Variants in UBE2F observed in about 807,000 individuals in gnomAD.
UBE2F encodes ubiquitin conjugating enzyme E2 F (putative).
UBE2F carries 5 observed loss-of-function variants against 29.6 expected under a neutral mutation model. That is an observed-to-expected ratio of 0.17 (90% CI 0.09 to 0.36). The LOEUF (loss-of-function observed/expected upper bound fraction) is 0.36. UBE2F is among the 10% of genes least tolerant of loss of function. The pLI is 1.00. For missense variants in UBE2F, 141 were observed against 228.5 expected, an observed-to-expected ratio of 0.62 and a Z score of 2.47; for synonymous variants, 66 against 81.8, an observed-to-expected ratio of 0.81 and a Z score of 1.04.
At chr2:238,008,118 C>T (rs1410399529) in intron 4 of UBE2F, among the ~76,000 whole-genome samples, 1 of 151,898 alleles carries the variant, frequency 6.6e-6, no homozygotes, top group East Asian at 1.9e-4. Flanking sequence ...CTGTAGTGGG[C>T]AGATGCACTA....
chr2:237,968,353 T>A (rs2063104138), intron 1 of UBE2F, among the ~76,000 whole-genome samples: 3 of 152,144 alleles, frequency 2.0e-5, no homozygotes, highest in Non-Finnish European at 4.4e-5. Flanking sequence ...GCTCCAAAGA[T>A]GGTCGGTCAA....
intron 2 of UBE2F, among the ~76,000 whole-genome samples, chr2:237,976,177 G>C (rs2063279316): frequency 6.6e-6 from 1 of 152,232 alleles, no homozygotes; most frequent in Non-Finnish European, 1.5e-5. Context: ...GATAGGACTT[G>C]AGTGTCTTCT....
rs2063072993 is a variant in UBE2F, at chr2:237,967,203, C to T, written c.-17+71C>T. ...CCGGTGCACGGGCTGGCCTGCGGGC[C>T]GGGCGGAGGGCGCGGGCGGTGGCGG... On this transcript the variant is annotated intron_variant, in intron 1 of 9. Transcript: ENST00000272930. The surrounding 1 kb of genome is among the most constrained non-coding windows in gnomAD (Gnocchi z 6.3). 4.9e-6 allele frequency: 5 copies of T among 1,017,938 alleles called. No individual in the cohort carries two copies. Among genetic ancestry groups the T allele is most frequent in the Middle Eastern group, 4.5e-4 (1 of 2,208 alleles). 63.1% of individuals were successfully genotyped at this position (1,017,938 alleles called of 1,614,324 possible). A position where few individuals can be genotyped will look rare whatever the true frequency, so the allele number is the denominator to read the frequency against.
rs1393950152 is a variant in UBE2F, at chr2:237,993,717, A to C, written c.149-1027A>C. Among the ~76,000 whole-genome samples the C allele has an allele frequency of 4.6e-5, 7 of 152,224 alleles. No homozygotes were observed. In the East Asian group the frequency reaches 1.3e-3, roughly 29 times the overall value. ...AACAGAGTGAGACCCTGTCTAAAAA[A>C]AAGTTTAGCATAGTATTTTCTGATT... On this transcript the variant is annotated intron_variant, in intron 3 of 9. Coordinates refer to ENST00000272930, the MANE Select transcript of UBE2F (RefSeq NM_080678.3).
Position 237,967,514 on chromosome 2 carries a change from C to T in UBE2F, c.-17+382C>T, listed in dbSNP as rs896673003. Among the ~76,000 whole-genome samples the T allele has an allele frequency of 6.6e-6, 1 of 152,134 alleles. No homozygotes were observed. The highest frequency in any genetic ancestry group is 2.4e-5 in the African/African-American group (1 of 41,444). ...ACGCCCCACTCGCGGGATCGGCTGC[C>T]TGCCTTGTACGGAGGAAGCGGGGCG... On this transcript the variant is annotated intron_variant, in intron 1 of 9. Coordinates refer to ENST00000272930, the MANE Select transcript of UBE2F (RefSeq NM_080678.3). This position sits in a 1 kb window ranked among gnomAD's most constrained non-coding sequence, Gnocchi z 6.3.
intron 3 of UBE2F, among the ~76,000 whole-genome samples, chr2:237,988,343 G>A (rs2063521643): frequency 6.6e-6 from 1 of 152,018 alleles, no homozygotes; most frequent in African/African-American, 2.4e-5. Flanking sequence ...AGCTACTTGG[G>A]AGGCTGAGGC....
intron 3 of UBE2F, 104 bp from the exon 4 acceptor site, chr2:237,994,640 G>A (rs545321482): frequency 1.9e-5 from 16 of 853,124 alleles, no homozygotes; most frequent in Middle Eastern, 2.3e-4. Context: ...TAAACCATAC[G>A]AATCCCTGTA....
At chr2:238,027,501 AG>A (rs1213320310) in intron 6 of UBE2F, among the ~76,000 whole-genome samples, 3 of 152,048 alleles carry the variant, frequency 2.0e-5, no homozygotes, top group African/African-American at 7.2e-5. Context: ...CTGGGGGAGG[AG>A]TGTGTGACAG....
At chr2:238,015,404 C>A (rs1258285057) in intron 4 of UBE2F, among the ~76,000 whole-genome samples, 1 of 151,972 alleles carries the variant, frequency 6.6e-6, no homozygotes, top group Non-Finnish European at 1.5e-5. Context: ...AAAGAAAAAC[C>A]TAAATGACCA....
At chr2:238,006,759 C>CT (rs60514924) in intron 4 of UBE2F, among the ~76,000 whole-genome samples, 1,754 of 125,510 alleles carry the variant, frequency 0.014, 56 homozygotes, top group African/African-American at 0.048. Flanking sequence ...TTTCTTTTTT[C>CT]TTTTTTTTTT....
intron 7 of UBE2F, 116 bp downstream of exon 7, chr2:238,030,729 C>T (rs11679080): frequency 0.36 from 275,946 of 759,310 alleles, 54,752 homozygotes; most frequent in Non-Finnish European, 0.42. Flanking sequence ...CACCAGTGGC[C>T]GGACACACCC....
At chr2:237,983,990 C>T (rs2106337671) in intron 2 of UBE2F, among the ~76,000 whole-genome samples, 1 of 152,114 alleles carries the variant, frequency 6.6e-6, no homozygotes, top group South Asian at 2.1e-4. Context: ...CTCACCTTTG[C>T]CCTCATTGTG....
At chr2:237,989,684 G>T (rs1413716758) in intron 3 of UBE2F, among the ~76,000 whole-genome samples, 1 of 152,034 alleles carries the variant, frequency 6.6e-6, no homozygotes, top group African/African-American at 2.4e-5. Context: ...AGAATTTATG[G>T]GTAGGTATCG....
chr2:238,039,786 G>A (rs901839596), intron 9 of UBE2F, among the ~76,000 whole-genome samples: 6 of 152,216 alleles, frequency 3.9e-5, no homozygotes, highest in African/African-American at 1.4e-4. Context: ...CTCTATGCTG[G>A]CTGAGGTGAA....
At chr2:237,969,061 A>G (rs2063118393) in intron 1 of UBE2F, among the ~76,000 whole-genome samples, 1 of 152,240 alleles carries the variant, frequency 6.6e-6, no homozygotes, top group Non-Finnish European at 1.5e-5. Context: ...CGATAGAAAA[A>G]TAGATGGTCA....
At chr2:237,972,843 G>A (rs142861589) in intron 1 of UBE2F, among the ~76,000 whole-genome samples, 269 of 152,154 alleles carry the variant, frequency 1.8e-3, no homozygotes, top group African/African-American at 6.1e-3. Context: ...GTGAGCCACC[G>A]TGCCCAGCCA....
Position 238,000,952 on chromosome 2 carries a change from A to T in UBE2F, c.214+6143A>T, listed in dbSNP as rs559759706. Among the ~76,000 whole-genome samples, 5 of 152,126 alleles carry T rather than the reference A, an allele frequency of 3.3e-5. No homozygotes were observed. In the East Asian group the frequency reaches 9.6e-4, roughly 29 times the overall value. ...TGCTACCTGTATATCTTCTTTGTTCAAGTGAGTCTTCAAATATTTTGCCCA... is the reference window on the plus strand; with the variant it reads ...TGCTACCTGTATATCTTCTTTGTTCTAGTGAGTCTTCAAATATTTTGCCCA... On this transcript the variant is annotated intron_variant, in intron 4 of 9. Coordinates refer to ENST00000272930, the MANE Select transcript of UBE2F (RefSeq NM_080678.3).
At chr2:237,972,505 A>G (rs913151345) in intron 1 of UBE2F, among the ~76,000 whole-genome samples, 2 of 151,270 alleles carry the variant, frequency 1.3e-5, no homozygotes, top group African/African-American at 4.9e-5. Context: ...CCTGGCACCC[A>G]GTGAGTGTGA....
At chr2:238,016,123 G>A (rs2064146226) in intron 4 of UBE2F, among the ~76,000 whole-genome samples, 1 of 152,220 alleles carries the variant, frequency 6.6e-6, no homozygotes, top group African/African-American at 2.4e-5. Context: ...CAGAGGTTGG[G>A]TGCTCAGTAA....
Sources: allele counts gnomAD v4.1 joint callset (sites outside exome capture counted in the v4.1 genomes callset), GRCh38; gene constraint gnomAD v4.1.1; non-coding constraint Gnocchi (gnomAD v3.1); transcripts MANE v1.5; gene names NCBI Gene and HGNC (gene_info 2026-07-23, HGNC 2026-07-21).